The following TBC1D1 variants were observed in gnomAD, a reference collection of about 807,000 sequenced individuals.
TBC1D1 encodes the protein TBC1 domain family member 1.
A neutral mutation model predicts 125.6 loss-of-function variants in TBC1D1; 89 were observed. The observed-to-expected ratio is 0.71, with a 90% CI of 0.60 to 0.85. The LOEUF is 0.85. Ranked by LOEUF, TBC1D1 falls within the 40% of genes least tolerant of loss-of-function variation. The probability of loss-of-function intolerance (pLI) is 0.00; values close to 1 mark genes in which losing one functional copy is unlikely to be tolerated. For missense variants in TBC1D1, 1,377 were observed against 1,469.2 expected, an observed-to-expected ratio of 0.94 and a Z score of 1.03; for synonymous variants, 565 against 564.1, an observed-to-expected ratio of 1.00 and a Z score of -0.02.
chr4:37,998,980 C>A (rs200123863), intron 2 of TBC1D1, among the ~76,000 whole-genome samples: 7,707 of 152,248 alleles, frequency 0.051, 213 homozygotes, highest in African/African-American at 0.08. Flanking sequence ...GGCACGGTGG[C>A]TCTCGCCTGT....
intron 2 of TBC1D1, among the ~76,000 whole-genome samples, chr4:37,938,479 C>G (rs1724857423): frequency 6.6e-6 from 1 of 152,062 alleles, no homozygotes; most frequent in Non-Finnish European, 1.5e-5. Flanking sequence ...GCACAAAGAA[C>G]AGAGAATGGT....
Position 37,902,435 on chromosome 4 carries a change from T to C in TBC1D1, c.340T>C (p.Phe114Leu), listed in dbSNP as rs536951577. The C allele has an allele frequency of 4.3e-6, 7 of 1,614,150 alleles. No individual in the cohort carries two copies. The highest frequency in any genetic ancestry group is 5.1e-6 in the Non-Finnish European group (6 of 1,180,026). Residue 114 changes from phenylalanine (F) to leucine (L), a missense_variant, in exon 2 of 20, where the codon TTT becomes CTT. Coordinates refer to ENST00000261439, the MANE Select transcript of TBC1D1 (RefSeq NM_015173.4). The stretch of plus-strand genomic sequence containing the variant: ...TCACAACAGTCATGACCCAAGTTAC[T>C]TTGCTTGTCTGATTAAGGAAGACGC...
chr4:38,029,486 G>A (rs748880178), intron 7 of TBC1D1, among the ~76,000 whole-genome samples: 12 of 152,276 alleles, frequency 7.9e-5, no homozygotes, highest in Non-Finnish European at 1.6e-4. Flanking sequence ...TCCTGCCTCA[G>A]CCTCCCAAGT....
At chr4:37,929,976 A>G (rs1038718933) in intron 2 of TBC1D1, among the ~76,000 whole-genome samples, 13 of 152,224 alleles carry the variant, frequency 8.5e-5, no homozygotes, top group East Asian at 1.9e-4. Flanking sequence ...GCTACTGTCC[A>G]CAAAAGGTAA....
intron 2 of TBC1D1, chr4:37,960,836 C>A (rs1471425787): frequency 6.2e-7 from 1 of 1,614,158 alleles, no homozygotes. Context: ...CTGAAGAGCG[C>A]CAGATTGCAC....
chr4:37,973,096 C>T (rs895439361), intron 2 of TBC1D1, among the ~76,000 whole-genome samples: 4 of 152,090 alleles, frequency 2.6e-5, no homozygotes, highest in Non-Finnish European at 5.9e-5. Flanking sequence ...GGTGTTAGAG[C>T]ACCACACATT....
chr4:37,972,771 G>A (rs1377772392), intron 2 of TBC1D1, among the ~76,000 whole-genome samples: 1 of 151,776 alleles, frequency 6.6e-6, no homozygotes, highest in Non-Finnish European at 1.5e-5. Context: ...GCGTGGTGGT[G>A]CATGCCTGTA....
At chr4:37,919,392 G>A (rs1031249315) in intron 2 of TBC1D1, among the ~76,000 whole-genome samples, 1 of 150,672 alleles carries the variant, frequency 6.6e-6, no homozygotes, top group Non-Finnish European at 1.5e-5. Context: ...CACTGTGTTG[G>A]GTAGGCTGTT....
chr4:37,909,375 T>G (rs2995916), intron 2 of TBC1D1, among the ~76,000 whole-genome samples: 90,143 of 152,090 alleles, frequency 0.59, 27,990 homozygotes, highest in African/African-American at 0.79. Flanking sequence ...CTTTGTATCA[T>G]TTTGTATTTT....
chr4:38,017,459 T>C (rs553849495), intron 3 of TBC1D1, among the ~76,000 whole-genome samples: 1 of 152,326 alleles, frequency 6.6e-6, no homozygotes, highest in South Asian at 2.1e-4. Context: ...AAACAGTAAG[T>C]GTGCAAAAAC....
chr4:37,977,488 G>T lies in TBC1D1; in HGVS notation c.418-37021G>T, dbSNP rs946624357. ...GGGAGCCGGCGGGCGAAGAGCCGCC[G>T]CCCGGCCCGCGATGTCACCATTGTT... is the stretch of plus-strand genomic sequence containing the variant. On this transcript the variant is annotated intron_variant, in intron 2 of 19. Coordinates refer to ENST00000261439, the MANE Select transcript of TBC1D1 (RefSeq NM_015173.4). The surrounding 1 kb of genome is among the most constrained non-coding windows in gnomAD (Gnocchi z 4.3). The T allele has an allele frequency of 5.1e-6, 5 of 989,328 alleles. No homozygotes were observed. Among genetic ancestry groups the T allele is most frequent in the Middle Eastern group, 5.1e-4 (1 of 1,952 alleles). The allele number at this position is 989,328 out of a possible 1,614,324, so 61.3% of individuals were successfully genotyped here. A position where few individuals can be genotyped will look rare whatever the true frequency, so the allele number is the denominator to read the frequency against.
intron 2 of TBC1D1, among the ~76,000 whole-genome samples, chr4:37,981,811 G>C (rs1195810260): frequency 6.6e-6 from 1 of 152,196 alleles, no homozygotes; most frequent in Non-Finnish European, 1.5e-5. Context: ...ATGTGGAAAA[G>C]AGGAGTGATG....
chr4:37,955,970 C>G (rs549502667), intron 2 of TBC1D1, among the ~76,000 whole-genome samples: 12 of 151,316 alleles, frequency 7.9e-5, no homozygotes, highest in Admixed American at 2.0e-4. Flanking sequence ...GACCTTGTCT[C>G]TATTTAAAAA....
Position 37,902,186 on chromosome 4 carries a change from G to A in TBC1D1, c.91G>A (p.Val31Met), listed in dbSNP as rs1255691022. 1 of 1,614,002 alleles carries A rather than the reference G, an allele frequency of 6.2e-7. No individual in the cohort carries two copies. The highest frequency in any genetic ancestry group is 1.3e-5 in the African/African-American group (1 of 74,886). The change falls in exon 2 of 20, where the codon GTG (valine) becomes ATG (methionine). Residue 31 changes from valine (V) to methionine (M), a missense_variant. Around this residue, in one of 3 missense-constraint regions of TBC1D1, gnomAD observed 822 missense variants for 824.6 expected, o/e 1.00. Transcript: ENST00000261439. ...CCTGCAGCTGGTGGGCTCCCTGCCT[G>A]TGCATTCCCTGACCACCATGCCCAT...
chr4:37,911,226 T>C (rs1388753883), intron 2 of TBC1D1, among the ~76,000 whole-genome samples: 1 of 144,096 alleles, frequency 6.9e-6, no homozygotes, highest in African/African-American at 2.6e-5. Flanking sequence ...AGTCTAGAAA[T>C]ATATTGCAGT....
intron 2 of TBC1D1, among the ~76,000 whole-genome samples, chr4:37,966,414 T>C (rs1473654980): frequency 6.6e-6 from 1 of 152,158 alleles, no homozygotes; most frequent in African/African-American, 2.4e-5. Flanking sequence ...CATCACTACT[T>C]AGAAGCGTTT....
chr4:38,020,738 A>G (rs1405436563), intron 5 of TBC1D1, 43 bp downstream of exon 5: 2 of 1,558,270 alleles, frequency 1.3e-6, no homozygotes, highest in African/African-American at 1.4e-5. Context: ...CCTTCTTTAC[A>G]AGGAATTTTA....
intron 2 of TBC1D1, among the ~76,000 whole-genome samples, chr4:37,930,232 A>G (rs192410250): frequency 1.1e-3 from 165 of 152,364 alleles, no homozygotes; most frequent in Non-Finnish European, 1.8e-3. Context: ...ATGCTGATCA[A>G]ATCAGATGGG....
At chr4:38,106,669 C>T (rs1005977198) in intron 15 of TBC1D1, among the ~76,000 whole-genome samples, 17 of 152,190 alleles carry the variant, frequency 1.1e-4, no homozygotes, top group African/African-American at 4.1e-4. Flanking sequence ...ATTCAGTCAC[C>T]TTCTTCTCTT....
Sources: gnomAD v4.1 joint callset for allele counts (sites outside exome capture counted in the v4.1 genomes callset) on GRCh38, gnomAD v4.1.1 for gene constraint, gnomAD v4.1.1 regional missense constraint, Gnocchi (gnomAD v3.1) non-coding constraint, MANE v1.5 for transcripts, NCBI Gene and HGNC (gene_info 2026-07-23, HGNC 2026-07-21) for gene names.